Variants in DYNC1I1 observed in about 807,000 individuals in gnomAD.
DYNC1I1 encodes the protein cytoplasmic dynein 1 intermediate chain 1.
DYNC1I1 carries 43 observed loss-of-function variants against 86.6 expected under a neutral mutation model. That is an observed-to-expected ratio of 0.50 (90% CI 0.39 to 0.64). The LOEUF (loss-of-function observed/expected upper bound fraction) is 0.64. DYNC1I1 is among the 30% of genes least tolerant of loss of function. The pLI is 0.00. For synonymous variants in DYNC1I1, 262 were observed against 283.7 expected (o/e 0.92, Z 0.77); for missense variants, 604 against 788.8 (o/e 0.77, Z 2.81).
chr7:96,076,095 C>T lies in DYNC1I1; in HGVS notation c.1548C>T (p.Asp516=). 1 of 1,614,238 alleles carries T rather than the reference C, an allele frequency of 6.2e-7. No individual in the cohort carries two copies. Among genetic ancestry groups the T allele is most frequent in the Admixed American group, 1.7e-5 (1 of 60,030 alleles). Residue 516 remains aspartate, a synonymous_variant, in exon 15 of 17, where the codon GAC becomes GAT. Transcript: ENST00000447467. ...KPLYSFEDNA[D]YVYDVMWSPV... Reference sequence around the variant, plus strand: ...TCTACTCCTTTGAAGACAATGCAGACTATGTGTACGATGTCATGTGGTCCC... The same window carrying T: ...TCTACTCCTTTGAAGACAATGCAGATTATGTGTACGATGTCATGTGGTCCC...
At chr7:95,855,754 G>A (rs1157766614) in intron 5 of DYNC1I1, among the ~76,000 whole-genome samples, 14 of 152,056 alleles carry the variant, frequency 9.2e-5, no homozygotes, top group Admixed American at 5.2e-4. Context: ...TATCTTAACC[G>A]TATCTAAACA....
At chr7:96,093,048 C>T (rs1480588551) in intron 16 of DYNC1I1, among the ~76,000 whole-genome samples, 1 of 152,148 alleles carries the variant, frequency 6.6e-6, no homozygotes, top group East Asian at 1.9e-4. Context: ...CGCCCTGCTT[C>T]TTAACATCCT....
chr7:95,813,675 CTTA>C (rs1321820963), intron 4 of DYNC1I1, among the ~76,000 whole-genome samples: 2 of 152,094 alleles, frequency 1.3e-5, no homozygotes, highest in African/African-American at 4.8e-5. Context: ...TATCCAGCTT[CTTA>C]TTATCCTACT....
chr7:96,058,225 A>G (rs1789645373), intron 14 of DYNC1I1, among the ~76,000 whole-genome samples: 1 of 152,212 alleles, frequency 6.6e-6, no homozygotes, highest in Non-Finnish European at 1.5e-5. Flanking sequence ...TCAATTATTT[A>G]TTCATTAAAC....
At chr7:96,072,172 T>C (rs1562994240) in intron 14 of DYNC1I1, among the ~76,000 whole-genome samples, 2 of 152,252 alleles carry the variant, frequency 1.3e-5, no homozygotes, top group African/African-American at 2.4e-5. Flanking sequence ...TTGCCCTTCA[T>C]GTCTGCCTGG....
intron 1 of DYNC1I1, among the ~76,000 whole-genome samples, chr7:95,797,925 A>T (rs1335725977): frequency 2.0e-5 from 3 of 152,208 alleles, no homozygotes; most frequent in Admixed American, 6.5e-5. Context: ...TGAAAATGTA[A>T]AAGAATTACA....
intron 6 of DYNC1I1, among the ~76,000 whole-genome samples, chr7:95,961,691 ACGAAT>A (rs1187534141): frequency 1.3e-5 from 2 of 152,226 alleles, no homozygotes; most frequent in Non-Finnish European, 2.9e-5. Flanking sequence ...GGTAGAAAAC[ACGAAT>A]CTGGTTCTGT....
chr7:95,862,313 C>A (rs1789904358), intron 5 of DYNC1I1, among the ~76,000 whole-genome samples: 1 of 151,686 alleles, frequency 6.6e-6, no homozygotes, highest in Non-Finnish European at 1.5e-5. Flanking sequence ...TGATAAAGTT[C>A]TAATATCCAC....
intron 5 of DYNC1I1, among the ~76,000 whole-genome samples, chr7:95,837,962 G>A (rs1466232298): frequency 6.6e-6 from 1 of 152,210 alleles, no homozygotes; most frequent in African/African-American, 2.4e-5. Flanking sequence ...GTAGACCAGA[G>A]CTGTTCCTAT....
At chr7:95,966,433 A>G (rs1793014747) in intron 6 of DYNC1I1, among the ~76,000 whole-genome samples, 1 of 152,212 alleles carries the variant, frequency 6.6e-6, no homozygotes, top group Non-Finnish European at 1.5e-5. Flanking sequence ...TCCACCAAAG[A>G]ATAATAGAGG....
At chr7:95,793,057 A>G (rs985926628) in intron 1 of DYNC1I1, among the ~76,000 whole-genome samples, 3 of 152,264 alleles carry the variant, frequency 2.0e-5, no homozygotes, top group East Asian at 1.9e-4. Flanking sequence ...TCTGATGGGT[A>G]CACTACCATC....
intron 6 of DYNC1I1, among the ~76,000 whole-genome samples, chr7:95,914,688 G>T (rs1160039091): frequency 6.6e-6 from 1 of 152,164 alleles, no homozygotes; most frequent in Non-Finnish European, 1.5e-5. Flanking sequence ...TGGCTCCACT[G>T]GTGTGCAATT....
intron 6 of DYNC1I1, among the ~76,000 whole-genome samples, chr7:95,953,426 G>C (rs1033777154): frequency 1.7e-4 from 26 of 152,094 alleles, no homozygotes; most frequent in Admixed American, 1.6e-3. Flanking sequence ...AAGAGAGAGA[G>C]AGAGAAAGAA....
intron 2 of DYNC1I1, among the ~76,000 whole-genome samples, chr7:95,805,427 G>A (rs1794679977): frequency 6.6e-6 from 1 of 152,060 alleles, no homozygotes. Context: ...TTAGAGAGAA[G>A]GTAAATAGGA....
At chr7:95,851,327 T>A (rs911534764) in intron 5 of DYNC1I1, among the ~76,000 whole-genome samples, 3 of 152,186 alleles carry the variant, frequency 2.0e-5, no homozygotes, top group Non-Finnish European at 2.9e-5. Flanking sequence ...GACAAAGGGA[T>A]GATTGATGTC....
chr7:96,057,255 G>C (rs1789603582), intron 14 of DYNC1I1, among the ~76,000 whole-genome samples: 1 of 152,134 alleles, frequency 6.6e-6, no homozygotes, highest in Admixed American at 6.5e-5. Context: ...TTGGAAATGG[G>C]TGTGCTCAGT....
rs549157737 is a variant in DYNC1I1 at position 96,017,676 on chromosome 7, A to G, written c.970-10499A>G. On this transcript the variant is annotated intron_variant, in intron 10 of 16. Coordinates refer to ENST00000447467, the MANE Select transcript of DYNC1I1 (RefSeq NM_001135556.2). ...CCTGTGTTTATGTCTGTAAGTAAGA[A>G]GTTCCACTTTTTGTTAAAGCACACA... Among the ~76,000 whole-genome samples, 9 of 152,336 alleles carry G rather than the reference A, an allele frequency of 5.9e-5. No individual in the cohort carries two copies. In the South Asian group the frequency reaches 1.9e-3, roughly 32 times the overall value.
chr7:95,800,141 T>C (rs1016188180), intron 1 of DYNC1I1, among the ~76,000 whole-genome samples: 14 of 150,592 alleles, frequency 9.3e-5, no homozygotes, highest in Non-Finnish European at 1.9e-4. Context: ...GGAGATGAGC[T>C]GTAGTGACAA....
intron 16 of DYNC1I1, among the ~76,000 whole-genome samples, chr7:96,105,646 C>T (rs1258071509): frequency 1.3e-5 from 2 of 152,132 alleles, no homozygotes; most frequent in African/African-American, 4.8e-5. Flanking sequence ...GTTTTAGTAA[C>T]ATGATTATGC....
Sources: allele counts gnomAD v4.1 joint callset (sites outside exome capture counted in the v4.1 genomes callset), GRCh38; gene constraint gnomAD v4.1.1; transcripts MANE v1.5; gene names NCBI Gene and HGNC (gene_info 2026-07-23, HGNC 2026-07-21).